Variants in HEG1 observed in about 807,000 individuals in gnomAD.
The protein encoded by HEG1 is heart development protein with EGF like domains 1.
In HEG1, 56 loss-of-function variants were observed where a neutral mutation model predicts 125.6. That is an observed-to-expected ratio of 0.45 (90% CI 0.36 to 0.56). The LOEUF (loss-of-function observed/expected upper bound fraction) is 0.56. Among genes scored for constraint, HEG1 ranks in the 20% least tolerant of loss-of-function variants. HEG1 has a pLI of 0.00. For synonymous variants in HEG1, 644 were observed against 668.5 expected, an observed-to-expected ratio of 0.96 and a Z score of 0.57; for missense variants, 1,523 against 1,670.0, an observed-to-expected ratio of 0.91 and a Z score of 1.53.
At chr3:125,011,771 G>A (rs1411458745) in intron 6 of HEG1, among the ~76,000 whole-genome samples, 2 of 152,134 alleles carry the variant, frequency 1.3e-5, no homozygotes, top group Admixed American at 6.5e-5. Context: ...TCCCTAAGAC[G>A]CCAGTTTCCA....
At chr3:125,055,514 G>C (rs1280028669) in intron 1 of HEG1, 61 bp downstream of exon 1, 1 of 1,092,644 alleles carries the variant, frequency 9.2e-7, no homozygotes, top group Non-Finnish European at 1.1e-6. Flanking sequence ...GATGCAGCCC[G>C]GGGCGCGCCC....
At chr3:124,994,874 A>G (rs1041590918) in intron 12 of HEG1, among the ~76,000 whole-genome samples, 1 of 152,192 alleles carries the variant, frequency 6.6e-6, no homozygotes, top group African/African-American at 2.4e-5. Flanking sequence ...ATCTTTTCCC[A>G]TCTTATTTGC....
At position 125,029,298 on chromosome 3, in the gene HEG1, A is replaced by G. The variant is rs1416225350; in HGVS notation, c.507T>C (p.Ala169=). 6.2e-7 allele frequency: 1 copy of G among 1,613,982 alleles called. No homozygotes were observed. Residue 169 remains alanine, a synonymous_variant, in exon 2 of 17, where the codon GCT becomes GCC. Coordinates refer to ENST00000311127, the MANE Select transcript of HEG1 (RefSeq NM_020733.2). ...TACTTGAAGAGCCGCTCCTTCCTCT[A>G]GCATCTGCTGTTTCAGCGAGTAGAG... ...NLTLLAETAD[A]RGRSGSSSRT...
intron 2 of HEG1, 33 bp downstream of exon 2, chr3:125,029,162 T>A: frequency 1.9e-6 from 3 of 1,594,144 alleles, no homozygotes; most frequent in Non-Finnish European, 2.6e-6. Context: ...TGGACACACA[T>A]GCGTGAAATG....
chr3:125,050,648 G>A (rs1338073912), intron 1 of HEG1, among the ~76,000 whole-genome samples: 5 of 152,144 alleles, frequency 3.3e-5, no homozygotes, highest in Admixed American at 6.5e-5. Context: ...CTCATGCATC[G>A]TTATTTCGCT....
rs1394542705 is a variant in HEG1, at chr3:125,013,072, G to A, written c.2507C>T (p.Ala836Val). 1 of 1,614,038 alleles carries A rather than the reference G, an allele frequency of 6.2e-7. No homozygotes were observed. The highest frequency in any genetic ancestry group is 1.7e-5 in the Admixed American group (1 of 60,030). Reference protein sequence around the residue: ...QTLPATSTNLAQMSPTFTTTI... With the variant: ...QTLPATSTNLVQMSPTFTTTI... ...AGTTGTGAAAGTTGGAGACATTTGT[G>A]CTAAGTTGGTGCTTGTGGCTGGAAG... Residue 836 changes from alanine to valine, a missense_variant, in exon 6 of 17, where the codon GCA becomes GTA. Ala to Val is a moderately conservative substitution (Grantham distance 64). Coordinates refer to ENST00000311127, the MANE Select transcript of HEG1 (RefSeq NM_020733.2).
intron 1 of HEG1, among the ~76,000 whole-genome samples, chr3:125,046,519 G>A (rs933146269): frequency 6.6e-6 from 1 of 151,758 alleles, no homozygotes; most frequent in Non-Finnish European, 1.5e-5. Flanking sequence ...CAATTCTCCT[G>A]CCTCAGCTCC....
chr3:125,022,681 T>A (rs1454786399), intron 3 of HEG1, among the ~76,000 whole-genome samples: 10 of 110,904 alleles, frequency 9.0e-5, no homozygotes, highest in African/African-American at 3.1e-4. Context: ...CACACTTCAG[T>A]ATTAAAAAAA....
In HEG1 at chr3:125,019,571, T is replaced by G; in HGVS notation, c.1279A>C (p.Ser427Arg). 1 of 1,605,574 alleles carries G rather than the reference T, an allele frequency of 6.2e-7. No individual in the cohort carries two copies. Among genetic ancestry groups the G allele is most frequent in the Non-Finnish European group, 8.5e-7 (1 of 1,172,718 alleles). Residue 427 changes from serine to arginine, a missense_variant, in exon 5 of 17, where the codon AGC becomes CGC. Physicochemically the swap from Ser to Arg is moderately radical, Grantham distance 110. Coordinates refer to ENST00000311127, the MANE Select transcript of HEG1 (RefSeq NM_020733.2). The part of the protein sequence containing the change: ...PTFGEHQLAS[S>R]SEVQNGSPMS... ...GGACTTCCATTTTGCACCTCAGAGC[T>G]GCTGGCAAGCTGATGTTCTCCAAAG...
chr3:124,973,817 A>T lies in HEG1; in HGVS notation c.3910T>A (p.Ser1304Thr), dbSNP rs760852619. ...PYAEYPKNPR[S>T]QEWGREAIEM... is the part of the protein sequence containing the mutation. ...ATAGCTTCTCGGCCCCATTCTTGTG[A>T]GCGAGGATTTTTGGGGTATTCAGCA... The change falls in exon 16 of 17, where the codon TCA (serine) becomes ACA (threonine). Residue 1304 changes from serine (S) to threonine (T), a missense_variant. Coordinates refer to ENST00000311127, the MANE Select transcript of HEG1 (RefSeq NM_020733.2). 10 of 1,613,810 alleles carry T rather than the reference A, an allele frequency of 6.2e-6. No individual in the cohort carries two copies. Among genetic ancestry groups the T allele is most frequent in the Non-Finnish European group, 8.5e-6 (10 of 1,179,710 alleles).
At position 125,024,051 on chromosome 3, in the gene HEG1, A is replaced by G. The variant is rs557341743; in HGVS notation, c.914-2921T>C. The stretch of plus-strand genomic sequence containing the variant: ...TTCTTTACAAAGTGAAATCACCACA[A>G]AGCAATTTACCTGGACCACAGTAGC... On this transcript the variant is annotated intron_variant, in intron 3 of 16. Coordinates refer to ENST00000311127, the MANE Select transcript of HEG1 (RefSeq NM_020733.2). Among the ~76,000 whole-genome samples the G allele has an allele frequency of 3.2e-4, 48 of 152,306 alleles. 1 individual carries two copies. The highest frequency in any genetic ancestry group is 3.1e-3 in the Admixed American group (47 of 15,304).
chr3:125,046,398 TACACACACACACACACACACAC>T (rs10522507), intron 1 of HEG1, among the ~76,000 whole-genome samples: 1 of 141,552 alleles, frequency 7.1e-6, no homozygotes, highest in Non-Finnish European at 1.5e-5. Context: ...TATATACACA[TACACACACACACACACACACAC>T]ACACACACAC....
At chr3:124,992,023 A>G (rs1430255555) in intron 12 of HEG1, among the ~76,000 whole-genome samples, 1 of 152,208 alleles carries the variant, frequency 6.6e-6, no homozygotes, top group Admixed American at 6.5e-5. Context: ...CCCCTTCTTT[A>G]ATGTAAATCA....
intron 5 of HEG1, chr3:125,014,912 CA>C: frequency 7.8e-7 from 1 of 1,289,822 alleles, no homozygotes; most frequent in Non-Finnish European, 1.0e-6. Context: ...TGACAGTAGC[CA>C]AGGTGTGGGT....
Position 124,981,755 on chromosome 3 carries a change from T to C in HEG1, c.3734-3809A>G, listed in dbSNP as rs372579856. On this transcript the variant is annotated intron_variant, in intron 14 of 16. Coordinates refer to ENST00000311127, the MANE Select transcript of HEG1 (RefSeq NM_020733.2). ...GCCTGGGAGGAACTCACCAAAATGT[T>C]TGCACAAGTTAGCACTGCCTCGGGT... Among the ~76,000 whole-genome samples, 15 of 152,326 alleles carry C rather than the reference T, an allele frequency of 9.8e-5. No homozygotes were observed. The East Asian group carries it at 2.1e-3, about 22-fold the overall frequency.
In HEG1 at chr3:124,970,278, A is replaced by G. The variant is rs2107684663; in HGVS notation, c.*374T>C. 1 of 176,564 alleles carries G rather than the reference A, an allele frequency of 5.7e-6. No homozygotes were observed. Among genetic ancestry groups the G allele is most frequent in the East Asian group, 1.6e-4 (1 of 6,324 alleles). The allele number at this position is 176,564 out of a possible 1,614,324, so 10.9% of individuals were successfully genotyped here. A position where few individuals can be genotyped will look rare whatever the true frequency, so the allele number is the denominator to read the frequency against. ...TCTGGAACAGTCTCAAAACAGATCC[A>G]AAAGGAAACCTCCCACCCAATTTAC... On this transcript the variant is annotated 3_prime_UTR_variant, in exon 17 of 17. Coordinates refer to ENST00000311127, the MANE Select transcript of HEG1 (RefSeq NM_020733.2).
At chr3:124,983,729 T>C (rs1936691811) in intron 14 of HEG1, among the ~76,000 whole-genome samples, 2 of 152,170 alleles carry the variant, frequency 1.3e-5, no homozygotes, top group African/African-American at 4.8e-5. Flanking sequence ...CTTTTGCAAG[T>C]CTACAACCAG....
intron 1 of HEG1, among the ~76,000 whole-genome samples, chr3:125,051,670 T>C (rs1455493675): frequency 6.6e-6 from 1 of 152,164 alleles, no homozygotes; most frequent in Non-Finnish European, 1.5e-5. Flanking sequence ...CCTTGTTGCC[T>C]CCCCAGGATT....
intron 8 of HEG1, among the ~76,000 whole-genome samples, chr3:125,006,893 T>C (rs976694937): frequency 6.6e-6 from 1 of 152,190 alleles, no homozygotes; most frequent in Admixed American, 6.5e-5. Context: ...ATACCCAGAC[T>C]CTCTGTATAG....
Sources: gnomAD v4.1 joint callset for allele counts (sites outside exome capture counted in the v4.1 genomes callset) on GRCh38, gnomAD v4.1.1 for gene constraint, MANE v1.5 for transcripts, NCBI Gene and HGNC (gene_info 2026-07-23, HGNC 2026-07-21) for gene names.